The following ESRRG variants were observed in gnomAD, a reference collection of about 807,000 sequenced individuals.
The protein encoded by ESRRG is estrogen-related receptor gamma.
Under a neutral mutation model 44.0 loss-of-function variants are expected in ESRRG, and 13 were observed. The observed-to-expected ratio is 0.30, with a 90% CI of 0.19 to 0.47. ESRRG has a LOEUF of 0.47. Ranked by LOEUF, ESRRG falls within the 20% of genes least tolerant of loss-of-function variation. The probability of loss-of-function intolerance (pLI) is 1.00; values close to 1 mark genes in which losing one functional copy is unlikely to be tolerated. For missense variants in ESRRG, 395 were observed against 580.6 expected (o/e 0.68, Z 3.29); for synonymous variants, 215 against 214.6 (o/e 1.00, Z -0.02).
chr1:216,944,990 G>A (rs1865919), intron 1 of ESRRG, among the ~76,000 whole-genome samples: 3,167 of 152,132 alleles, frequency 0.021, 92 homozygotes, highest in African/African-American at 0.072. Flanking sequence ...CCAACAAACC[G>A]TCTCCAGTGG....
chr1:216,622,614 ACACG>A (rs1319044948), intron 3 of ESRRG, among the ~76,000 whole-genome samples: 2 of 151,870 alleles, frequency 1.3e-5, no homozygotes, highest in African/African-American at 2.4e-5. Context: ...AAAATTACAC[ACACG>A]CACACACACA....
chr1:216,761,756 G>A (rs1451999621), intron 2 of ESRRG, among the ~76,000 whole-genome samples: 5 of 152,122 alleles, frequency 3.3e-5, no homozygotes, highest in Non-Finnish European at 5.9e-5. Context: ...TACTTGTCAA[G>A]TAATGGGAAA....
At chr1:216,873,245 G>C (rs2576249) in intron 2 of ESRRG, among the ~76,000 whole-genome samples, 69,221 of 129,804 alleles carry the variant, frequency 0.53, 19,674 homozygotes, top group African/African-American at 0.81. Flanking sequence ...GAGTTTCACT[G>C]TTGTCGCTCA....
At position 216,504,274 on chromosome 1, in the gene ESRRG, T is replaced by G. The variant is rs1412202220; in HGVS notation, c.*2665A>C. The G allele has an allele frequency of 6.6e-6, 1 of 152,212 alleles. No individual in the cohort carries two copies. The highest frequency in any genetic ancestry group is 1.5e-5 in the Non-Finnish European group (1 of 67,978). The allele number at this position is 152,212 out of a possible 1,614,324, so 9.4% of individuals were successfully genotyped here. A position where few individuals can be genotyped will look rare whatever the true frequency, so the allele number is the denominator to read the frequency against. The stretch of plus-strand genomic sequence containing the variant: ...TGCACAAACTTTCTGGAAAATAATC[T>G]TTTTAAACACTTACATATATAAATA... On this transcript the variant is annotated 3_prime_UTR_variant, in exon 7 of 7. Coordinates refer to ENST00000408911, the MANE Select transcript of ESRRG (RefSeq NM_001438.4).
At chr1:216,510,709 C>A (rs2602143) in intron 6 of ESRRG, among the ~76,000 whole-genome samples, 37,280 of 151,858 alleles carry the variant, frequency 0.25, 4,782 homozygotes, top group Non-Finnish European at 0.29. Context: ...CACCGTGAAA[C>A]CCCGTCTCTA....
intron 3 of ESRRG, among the ~76,000 whole-genome samples, chr1:216,630,445 AAC>A (rs59403765): frequency 0.021 from 3,011 of 146,274 alleles, 38 homozygotes; most frequent in African/African-American, 0.04. Context: ...TGTGCGTGTG[AAC>A]ACACACACAC....
chr1:216,939,884 C>T (rs995114529), intron 1 of ESRRG, among the ~76,000 whole-genome samples: 2 of 152,126 alleles, frequency 1.3e-5, no homozygotes, highest in East Asian at 1.9e-4. Context: ...AACACTCCAA[C>T]GAAGGTACAG....
chr1:216,803,950 AG>A (rs2094704356), intron 2 of ESRRG, among the ~76,000 whole-genome samples: 1 of 152,052 alleles, frequency 6.6e-6, no homozygotes, highest in East Asian at 1.9e-4. Flanking sequence ...ACTGGCCAAA[AG>A]GTTCTAACAC....
At chr1:216,863,151 C>A (rs1427577674) in intron 2 of ESRRG, 1 of 152,102 alleles carries the variant, frequency 6.6e-6, no homozygotes. Context: ...CCCAGAGTTT[C>A]TGATTCAGTA....
At chr1:217,069,232 TG>T (rs1224729569) in intron 1 of ESRRG, among the ~76,000 whole-genome samples, 1 of 152,106 alleles carries the variant, frequency 6.6e-6, no homozygotes, top group Non-Finnish European at 1.5e-5. Context: ...CTTTCTTCCG[TG>T]GTGGATCCTT....
At chr1:217,002,325 A>T (rs1442878553) in intron 1 of ESRRG, among the ~76,000 whole-genome samples, 1 of 56,430 alleles carries the variant, frequency 1.8e-5, no homozygotes, top group Non-Finnish European at 2.8e-5. Context: ...GAAAGAAAGA[A>T]AAAAAAAAAA....
At chr1:216,979,074 A>C (rs1392388003) in intron 1 of ESRRG, among the ~76,000 whole-genome samples, 1 of 151,832 alleles carries the variant, frequency 6.6e-6, no homozygotes, top group Non-Finnish European at 1.5e-5. Flanking sequence ...TTGCCTTTTT[A>C]TTTGGAAGTT....
At chr1:216,815,511 T>C (rs2095105541) in intron 2 of ESRRG, among the ~76,000 whole-genome samples, 1 of 152,142 alleles carries the variant, frequency 6.6e-6, no homozygotes, top group Non-Finnish European at 1.5e-5. Context: ...ATTTCCAGAA[T>C]AGTGGCCCAG....
intron 1 of ESRRG, among the ~76,000 whole-genome samples, chr1:216,973,921 T>C (rs1221165784): frequency 6.6e-6 from 1 of 150,558 alleles, no homozygotes; most frequent in Admixed American, 6.6e-5. Context: ...TAAAAACCCA[T>C]AAGCGTATCC....
At chr1:216,610,187 G>A (rs1574048420) in intron 3 of ESRRG, among the ~76,000 whole-genome samples, 1 of 149,088 alleles carries the variant, frequency 6.7e-6, no homozygotes, top group Non-Finnish European at 1.5e-5. Flanking sequence ...TTAAAGTGTG[G>A]ATAATTGTAC....
At chr1:216,611,060 G>A (rs553932539) in intron 3 of ESRRG, among the ~76,000 whole-genome samples, 2 of 151,916 alleles carry the variant, frequency 1.3e-5, no homozygotes, top group South Asian at 4.1e-4. Context: ...AAAATTAGCT[G>A]GGCGTAGTGG....
chr1:216,845,653 A>G (rs1043621639), intron 2 of ESRRG, among the ~76,000 whole-genome samples: 3 of 152,142 alleles, frequency 2.0e-5, no homozygotes, highest in Non-Finnish European at 4.4e-5. Flanking sequence ...CCTTCATGTC[A>G]GTACCTGACT....
intron 2 of ESRRG, among the ~76,000 whole-genome samples, chr1:216,654,721 A>T (rs561453227): frequency 1.3e-5 from 2 of 152,234 alleles, no homozygotes; most frequent in South Asian, 4.1e-4. Flanking sequence ...AAGGGGAAAG[A>T]TTATGAAAAA....
intron 1 of ESRRG, among the ~76,000 whole-genome samples, chr1:217,085,456 T>C (rs79782378): frequency 0.15 from 22,675 of 147,696 alleles, 1,921 homozygotes; most frequent in Admixed American, 0.21. Context: ...AAGATTTTTT[T>C]TTTCTTTCTT....
Sources: allele counts gnomAD v4.1 joint callset (sites outside exome capture counted in the v4.1 genomes callset), GRCh38; gene constraint gnomAD v4.1.1; transcripts MANE v1.5; gene names NCBI Gene and HGNC (gene_info 2026-07-23, HGNC 2026-07-21).